The following SLC52A2 variants were observed in gnomAD, a reference collection of about 807,000 sequenced individuals.
The protein encoded by SLC52A2 is solute carrier family 52 member 2.
A neutral mutation model predicts 24.8 loss-of-function variants in SLC52A2; 16 were observed. The observed-to-expected ratio is 0.64, with a 90% CI of 0.44 to 0.98. The LOEUF is 0.98. Ranked by LOEUF, SLC52A2 falls within the 50% of genes least tolerant of loss-of-function variation. The pLI, the probability that SLC52A2 is intolerant of heterozygous loss-of-function variation, is 0.00. For synonymous variants in SLC52A2, 335 were observed against 276.3 expected (o/e 1.21, Z -2.11); for missense variants, 612 against 575.9 (o/e 1.06, Z -0.64).
Position 144,360,199 on chromosome 8 carries a change from G to A in SLC52A2, c.707G>A (p.Gly236Glu). 1 of 1,612,792 alleles carries A rather than the reference G, an allele frequency of 6.2e-7. No individual in the cohort carries two copies. The highest frequency in any genetic ancestry group is 8.5e-7 in the Non-Finnish European group (1 of 1,180,016). Residue 236 changes from glycine (G) to glutamate (E), a missense_variant, in exon 3 of 5, where the codon GGA becomes GAA. Transcript: ENST00000643944. ...GAGTTAGGATCAGGCCTCCAGGTGG[G>A]AGCCCCAGGAGCAGAGGAAGAGGTG... ...TGELGSGLQV[G>E]APGAEEEVEE...
rs781873432 is a variant in SLC52A2, at chr8:144,359,605, C to T, written c.131-18C>T. The T allele has an allele frequency of 5.6e-6, 9 of 1,608,190 alleles. No individual in the cohort carries two copies. In the East Asian group the frequency reaches 1.6e-4, roughly 28 times the overall value. On this transcript the variant is annotated intron_variant, in intron 2 of 4. Coordinates refer to ENST00000643944, the MANE Select transcript of SLC52A2 (RefSeq NM_001363118.2). ...TTGGGCATCATGACCCTGACATGGC[C>T]TCCTCCCTTCCCTGCAGGTTGGAGC...
In SLC52A2 at chr8:144,358,636, G is replaced by A. The variant is rs1238877065; in HGVS notation, c.-540G>A. 3.2e-6 allele frequency: 2 copies of A among 633,402 alleles called. No homozygotes were observed. Among genetic ancestry groups the A allele is most frequent in the Non-Finnish European group, 4.5e-6 (2 of 445,128 alleles). 39.2% of individuals were successfully genotyped at this position (633,402 alleles called of 1,614,324 possible). On this transcript the variant is annotated 5_prime_UTR_variant, in exon 1 of 5. Coordinates refer to ENST00000643944, the MANE Select transcript of SLC52A2 (RefSeq NM_001363118.2). ...GTGAGTCGGGTCGTGGCTGCTGCCG[G>A]GTCCTGCGCGCTCCGGACTGAGGTG...
In SLC52A2 at chr8:144,361,103, C is replaced by G; in HGVS notation, c.*88C>G. 7.5e-7 allele frequency: 1 copy of G among 1,333,390 alleles called. No individual in the cohort carries two copies. Among genetic ancestry groups the G allele is most frequent in the South Asian group, 1.3e-5 (1 of 79,686 alleles). 82.6% of individuals were successfully genotyped at this position (1,333,390 alleles called of 1,614,324 possible). A position where few individuals can be genotyped will look rare whatever the true frequency, so the allele number is the denominator to read the frequency against. Reference sequence around the variant, plus strand: ...CTGAGTGCCTGCAGCCCAGGAGGCCCGCACACCGGTACACTCGTGGACACC... The same window carrying G: ...CTGAGTGCCTGCAGCCCAGGAGGCCGGCACACCGGTACACTCGTGGACACC... On this transcript the variant is annotated 3_prime_UTR_variant, in exon 5 of 5. Transcript: ENST00000643944.
In SLC52A2 at chr8:144,359,203, C is replaced by G; in HGVS notation, c.-91C>G. The G allele has an allele frequency of 3.3e-6, 5 of 1,519,798 alleles. No individual in the cohort carries two copies. The highest frequency in any genetic ancestry group is 4.4e-6 in the Non-Finnish European group (5 of 1,136,210). 94.1% of individuals were successfully genotyped at this position (1,519,798 alleles called of 1,614,324 possible). ...TTCAAGCTAGAAGAAGTCTTCACTT[C>G]CCAGGAGAGCCAAAGCGTGTCTGGC... On this transcript the variant is annotated 5_prime_UTR_variant, in exon 2 of 5. Transcript: ENST00000643944.
At chr8:144,358,607 A>C, upstream of SLC52A2, 1 of 922,572 alleles carries the variant, frequency 1.1e-6, no homozygotes, top group African/African-American at 1.7e-5. Flanking sequence ...CGGAACCGCC[A>C]CGGGTGAGTC....
At chr8:144,360,555 G>A (rs782819920) in intron 3 of SLC52A2, 35 bp from the exon 4 acceptor site, 54 of 1,582,730 alleles carry the variant, frequency 3.4e-5, no homozygotes, top group East Asian at 6.7e-5. Context: ...AGGTCCTGGC[G>A]CAGTCAGCCC....
Position 144,360,503 on chromosome 8 carries a change from G to A in SLC52A2, c.1001+10G>A. 6.3e-7 allele frequency: 1 copy of A among 1,591,194 alleles called. No homozygotes were observed. Among genetic ancestry groups the A allele is most frequent in the Non-Finnish European group, 8.5e-7 (1 of 1,172,782 alleles). ...TGGGTGTGCTGTGCAGGTACACAAGGACCCCCAGCCCCTGTGCGGGTGGAA... is the reference window on the plus strand; with the variant it reads ...TGGGTGTGCTGTGCAGGTACACAAGAACCCCCAGCCCCTGTGCGGGTGGAA... On this transcript the variant is annotated intron_variant, in intron 3 of 4. Transcript: ENST00000643944.
intron 2 of SLC52A2, 61 bp downstream of exon 2, chr8:144,359,484 G>T: frequency 6.2e-7 from 1 of 1,613,784 alleles, no homozygotes; most frequent in Non-Finnish European, 8.5e-7. Context: ...GTGGGATCTG[G>T]GTGGAGCTAC....
Position 144,359,763 on chromosome 8 carries a change from G to A in SLC52A2, c.271G>A (p.Gly91Ser), listed in dbSNP as rs781853087. The A allele has an allele frequency of 3.1e-6, 5 of 1,613,642 alleles. No homozygotes were observed. In the South Asian group the frequency reaches 5.5e-5, roughly 18 times the overall value. Reference protein sequence around the residue: ...IRVVQVLGMVGTALLASLWHH... With the variant: ...IRVVQVLGMVSTALLASLWHH... ...GGTGGTGCAGGTGCTGGGCATGGTG[G>A]GCACAGCCCTGCTGGCCTCTCTGTG... Residue 91 changes from glycine to serine, a missense_variant, in exon 3 of 5, where the codon GGC becomes AGC. Coordinates refer to ENST00000643944, the MANE Select transcript of SLC52A2 (RefSeq NM_001363118.2).
Position 144,361,235 on chromosome 8 carries a change from C to T in SLC52A2, c.*220C>T. ...GTAGGGTAAGCCCCTGAGCCTGGGA[C>T]CTACATGTGGTTTGCGTAATAAAAC... On this transcript the variant is annotated 3_prime_UTR_variant, in exon 5 of 5. Transcript: ENST00000643944. 5 of 566,940 alleles carry T rather than the reference C, an allele frequency of 8.8e-6. No homozygotes were observed. The highest frequency in any genetic ancestry group is 1.6e-5 in the Non-Finnish European group (5 of 318,752). 35.1% of individuals were successfully genotyped at this position (566,940 alleles called of 1,614,324 possible).
Position 144,358,652 on chromosome 8 carries a change from G to A in SLC52A2, c.-524G>A. On this transcript the variant is annotated 5_prime_UTR_variant, in exon 1 of 5. Transcript: ENST00000643944. ...CTGCTGCCGGGTCCTGCGCGCTCCG[G>A]ACTGAGGTGGCGTCCCTGGGCCGGA... The A allele has an allele frequency of 1.9e-6, 1 of 535,324 alleles. No individual in the cohort carries two copies. The allele number at this position is 535,324 out of a possible 1,614,324, so 33.2% of individuals were successfully genotyped here. A position where few individuals can be genotyped will look rare whatever the true frequency, so the allele number is the denominator to read the frequency against.
chr8:144,360,314 C>G lies in SLC52A2; in HGVS notation c.822C>G (p.Ala274=). The part of the protein sequence containing the change: ...PDPKAYQLLS[A]RSACLLGLLA... ...CTAAGGCCTATCAGCTTCTATCAGC[C>G]CGCAGTGCCTGCCTGCTGGGCCTGT... is the stretch of plus-strand genomic sequence containing the variant. Residue 274 remains alanine (A), a synonymous_variant, in exon 3 of 5, where the codon GCC becomes GCG. Transcript: ENST00000643944. 1 of 1,610,452 alleles carries G rather than the reference C, an allele frequency of 6.2e-7. No individual in the cohort carries two copies. The highest frequency in any genetic ancestry group is 8.5e-7 in the Non-Finnish European group (1 of 1,180,010).
chr8:144,358,662 G>T lies in SLC52A2; in HGVS notation c.-514G>T. On this transcript the variant is annotated 5_prime_UTR_variant, in exon 1 of 5. Transcript: ENST00000643944. ...GTCCTGCGCGCTCCGGACTGAGGTG[G>T]CGTCCCTGGGCCGGACGGCGGTGTC... 1 of 483,486 alleles carries T rather than the reference G, an allele frequency of 2.1e-6. No homozygotes were observed. The highest frequency in any genetic ancestry group is 3.2e-6 in the Non-Finnish European group (1 of 309,826). The allele number at this position is 483,486 out of a possible 1,614,324, so 29.9% of individuals were successfully genotyped here. A position where few individuals can be genotyped will look rare whatever the true frequency, so the allele number is the denominator to read the frequency against.
intron 2 of SLC52A2, 87 bp from the exon 3 acceptor site, chr8:144,359,536 G>T (rs1261731964): frequency 3.1e-6 from 5 of 1,608,136 alleles, no homozygotes; most frequent in Non-Finnish European, 4.2e-6. Flanking sequence ...GTGGGAGGAG[G>T]TGCAGGTGTG....
chr8:144,359,953 G>A lies in SLC52A2; in HGVS notation c.461G>A (p.Ser154Asn). Residue 154 changes from serine (S) to asparagine (N), a missense_variant, in exon 3 of 5, where the codon AGT becomes AAT. Transcript: ENST00000643944. Reference sequence around the variant, plus strand: ...TCATTCTTCCTGGGTCAAGGCCTGAGTGCCCTGCTGCCCTGCGTGCTGGCC... The same window carrying A: ...TCATTCTTCCTGGGTCAAGGCCTGAATGCCCTGCTGCCCTGCGTGCTGGCC... ...LRSFFLGQGL[S>N]ALLPCVLALV... is the part of the protein sequence containing the mutation. The A allele has an allele frequency of 6.2e-7, 1 of 1,613,330 alleles. No individual in the cohort carries two copies. Among genetic ancestry groups the A allele is most frequent in the Non-Finnish European group, 8.5e-7 (1 of 1,180,008 alleles).
In SLC52A2 at chr8:144,360,577, T is replaced by C; in HGVS notation, c.1002-13T>C. 2 of 1,593,988 alleles carry C rather than the reference T, an allele frequency of 1.3e-6. No homozygotes were observed. The highest frequency in any genetic ancestry group is 1.7e-6 in the Non-Finnish European group (2 of 1,174,900). Reference sequence around the variant, plus strand: ...GGCGCAGTCAGCCCTGACATTCTGCTCGCTCACTGCAGGTCCTTGGCAGGG... The same window carrying C: ...GGCGCAGTCAGCCCTGACATTCTGCCCGCTCACTGCAGGTCCTTGGCAGGG... On this transcript the variant is annotated splice_polypyrimidine_tract_variant and intron_variant, in intron 3 of 4. Transcript: ENST00000643944.
chr8:144,358,609 G>A (rs1321596999), upstream of SLC52A2: 2 of 872,902 alleles, frequency 2.3e-6, no homozygotes, highest in Non-Finnish European at 3.0e-6. Flanking sequence ...GAACCGCCAC[G>A]GGTGAGTCGG....
Position 144,361,120 on chromosome 8 carries a change from G to A in SLC52A2, c.*105G>A, listed in dbSNP as rs569600995. The A allele has an allele frequency of 3.0e-4, 346 of 1,163,250 alleles. 1 individual carries two copies. Among genetic ancestry groups the A allele is most frequent in the Middle Eastern group, 1.6e-3 (8 of 5,054 alleles). The allele number at this position is 1,163,250 out of a possible 1,614,324, so 72.1% of individuals were successfully genotyped here. Reference sequence around the variant, plus strand: ...AGGAGGCCCGCACACCGGTACACTCGTGGACACCTACACACTCCATAGGAG... The same window carrying A: ...AGGAGGCCCGCACACCGGTACACTCATGGACACCTACACACTCCATAGGAG... On this transcript the variant is annotated 3_prime_UTR_variant, in exon 5 of 5. Transcript: ENST00000643944.
At position 144,360,448 on chromosome 8, in the gene SLC52A2, C is replaced by T. The variant is rs1818794658; in HGVS notation, c.956C>T (p.Ala319Val). The change falls in exon 3 of 5, where the codon GCT becomes GTT. Residue 319 changes from alanine to valine, a missense_variant. Coordinates refer to ENST00000643944, the MANE Select transcript of SLC52A2 (RefSeq NM_001363118.2). ...CACCTGGCTGTGGTGCTGGGCAGTG[C>T]TGCCAATCCCCTGGCCTGCTTCCTG... is the stretch of plus-strand genomic sequence containing the variant. ...AYHLAVVLGS[A>V]ANPLACFLAM... 6.2e-7 allele frequency: 1 copy of T among 1,605,024 alleles called. No homozygotes were observed. The highest frequency in any genetic ancestry group is 8.5e-7 in the Non-Finnish European group (1 of 1,179,826).
Sources: gnomAD v4.1 joint callset for allele counts on GRCh38, gnomAD v4.1.1 for gene constraint, MANE v1.5 for transcripts, NCBI Gene and HGNC (gene_info 2026-07-23, HGNC 2026-07-21) for gene names.